HS6ST3: variants seen among roughly 807,000 people sequenced by gnomAD.
HS6ST3 encodes the protein heparan-sulfate 6-O-sulfotransferase 3.
Under a neutral mutation model 36.7 loss-of-function variants are expected in HS6ST3, and 12 were observed. That is an observed-to-expected ratio of 0.33 (90% CI 0.21 to 0.53). The LOEUF is 0.53. Among genes scored for constraint, HS6ST3 ranks in the 20% least tolerant of loss-of-function variants. HS6ST3 has a pLI of 0.95. For synonymous variants in HS6ST3, 240 were observed against 257.5 expected (o/e 0.93, Z 0.65); for missense variants, 584 against 640.9 (o/e 0.91, Z 0.96).
intron 1 of HS6ST3, among the ~76,000 whole-genome samples, chr13:96,386,373 GA>G (rs1453745081): frequency 3.3e-5 from 5 of 152,132 alleles, no homozygotes; most frequent in Admixed American, 1.3e-4. Context: ...TGTGCAGAAT[GA>G]TGCCTTTGCC....
intron 1 of HS6ST3, among the ~76,000 whole-genome samples, chr13:96,351,749 A>G (rs2055185294): frequency 6.6e-6 from 1 of 152,230 alleles, no homozygotes; most frequent in South Asian, 2.1e-4. Context: ...AAATTTACAA[A>G]GGAGAAAGAA....
chr13:96,552,277 C>G (rs1244704903), intron 1 of HS6ST3, among the ~76,000 whole-genome samples: 1 of 152,154 alleles, frequency 6.6e-6, no homozygotes, highest in Admixed American at 6.5e-5. Flanking sequence ...TTTTTCCTGA[C>G]CACCGCCTCA....
intron 1 of HS6ST3, among the ~76,000 whole-genome samples, chr13:96,292,967 G>GGAT (rs2054837497): frequency 6.6e-6 from 1 of 151,948 alleles, no homozygotes; most frequent in South Asian, 2.1e-4. Flanking sequence ...CACAACTAAT[G>GGAT]GATGATGATT....
chr13:96,349,313 T>A (rs148995784), intron 1 of HS6ST3, among the ~76,000 whole-genome samples: 1,728 of 151,646 alleles, frequency 0.011, 15 homozygotes, highest in Non-Finnish European at 0.018. Flanking sequence ...TCTGCAGTAT[T>A]TTTTTTTGTG....
chr13:96,833,129 G>C lies in HS6ST3; in HGVS notation c.1347G>C (p.Trp449Cys). The C allele has an allele frequency of 3.1e-6, 5 of 1,601,198 alleles. No individual in the cohort carries two copies. The highest frequency in any genetic ancestry group is 4.2e-6 in the Non-Finnish European group (5 of 1,179,454). ...RLQREHRDHQ[W>C]PKEDGAAEGT... ...AGCGAGAGCACAGGGACCACCAGTG[G>C]CCCAAAGAAGATGGGGCTGCAGAAG... The change falls in exon 2 of 2, where the codon TGG (tryptophan) becomes TGC (cysteine). Residue 449 changes from tryptophan (W) to cysteine (C), a missense_variant. Physicochemically the swap from Trp to Cys is radical, Grantham distance 215. Coordinates refer to ENST00000376705, the MANE Select transcript of HS6ST3 (RefSeq NM_153456.4).
At chr13:96,403,948 T>A (rs1487385308) in intron 1 of HS6ST3, among the ~76,000 whole-genome samples, 1 of 152,196 alleles carries the variant, frequency 6.6e-6, no homozygotes, top group Non-Finnish European at 1.5e-5. Context: ...AGTAATTGGG[T>A]TGTTCTCCTA....
Position 96,460,129 on chromosome 13 carries a change from C to T in HS6ST3, c.707+368560C>T, listed in dbSNP as rs561853620. Among the ~76,000 whole-genome samples the T allele has an allele frequency of 2.6e-5, 4 of 152,220 alleles. No individual in the cohort carries two copies. The South Asian group carries it at 6.2e-4, about 24-fold the overall frequency. On this transcript the variant is annotated intron_variant, in intron 1 of 1. Coordinates refer to ENST00000376705, the MANE Select transcript of HS6ST3 (RefSeq NM_153456.4). ...GATATACACAACACAATAGGCAAAA[C>T]CAACTTCCATGAAAGAGTGTTATTT...
intron 1 of HS6ST3, among the ~76,000 whole-genome samples, chr13:96,108,957 C>CTCTATCTCTA (rs1455949879): frequency 6.7e-6 from 1 of 148,388 alleles, no homozygotes; most frequent in Non-Finnish European, 1.5e-5. Flanking sequence ...CCACTCCTAT[C>CTCTATCTCTA]TCTATCTCTA....
At chr13:96,782,467 T>C (rs1391402658) in intron 1 of HS6ST3, among the ~76,000 whole-genome samples, 1 of 152,152 alleles carries the variant, frequency 6.6e-6, no homozygotes, top group Non-Finnish European at 1.5e-5. Context: ...GTGAAAATAC[T>C]AAGGGGGATT....
chr13:96,156,676 G>C (rs1287184035), intron 1 of HS6ST3, among the ~76,000 whole-genome samples: 1 of 152,122 alleles, frequency 6.6e-6, no homozygotes, highest in Non-Finnish European at 1.5e-5. Flanking sequence ...CACTAACTTT[G>C]AGACTTTGGG....
intron 1 of HS6ST3, among the ~76,000 whole-genome samples, chr13:96,133,843 GT>G (rs71113979): frequency 0.034 from 4,885 of 142,002 alleles, 99 homozygotes; most frequent in East Asian, 0.084. Context: ...GAGCTTTTAT[GT>G]TTTTTTTTTT....
chr13:96,523,368 C>A (rs1251661226), intron 1 of HS6ST3, among the ~76,000 whole-genome samples: 1 of 152,108 alleles, frequency 6.6e-6, no homozygotes, highest in Non-Finnish European at 1.5e-5. Flanking sequence ...CGAGGAGTAT[C>A]TTTGTGGTGT....
intron 1 of HS6ST3, among the ~76,000 whole-genome samples, chr13:96,570,740 A>G (rs1359369672): frequency 1.3e-5 from 2 of 152,334 alleles, no homozygotes; most frequent in Middle Eastern, 3.4e-3. Flanking sequence ...CAGAAATATG[A>G]CAAGGAATAA....
intron 1 of HS6ST3, among the ~76,000 whole-genome samples, chr13:96,777,047 C>T (rs1259349275): frequency 6.6e-6 from 1 of 152,334 alleles, no homozygotes; most frequent in East Asian, 1.9e-4. Context: ...ATATGCAAAT[C>T]AATAAATGTA....
At chr13:96,701,307 T>C (rs1875278761) in intron 1 of HS6ST3, among the ~76,000 whole-genome samples, 1 of 152,226 alleles carries the variant, frequency 6.6e-6, no homozygotes, top group African/African-American at 2.4e-5. Flanking sequence ...AAATGTTAAT[T>C]ACTGGTCTGA....
chr13:96,454,594 G>A (rs1328098750), intron 1 of HS6ST3, among the ~76,000 whole-genome samples: 1 of 151,814 alleles, frequency 6.6e-6, no homozygotes, highest in Non-Finnish European at 1.5e-5. Context: ...CACTTGGAAG[G>A]GCGTTTGCTA....
At chr13:96,801,090 G>A (rs1262460028) in intron 1 of HS6ST3, among the ~76,000 whole-genome samples, 4 of 152,004 alleles carry the variant, frequency 2.6e-5, no homozygotes, top group South Asian at 4.1e-4. Context: ...AGCATTTGAC[G>A]CAGTTGTCCA....
intron 1 of HS6ST3, among the ~76,000 whole-genome samples, chr13:96,315,689 TA>T (rs535435168): frequency 1.4e-3 from 198 of 137,558 alleles, no homozygotes; most frequent in African/African-American, 4.8e-3. Flanking sequence ...CATTTTTTTT[TA>T]AAAAAAGGAC....
At position 96,833,021 on chromosome 13, in the gene HS6ST3, T is replaced by C. The variant is rs1272839276; in HGVS notation, c.1239T>C (p.Asp413=). The change falls in exon 2 of 2, where the codon GAT becomes GAC. Residue 413 remains aspartate, a synonymous_variant. Transcript: ENST00000376705. ...LDMQLYEYAK[D]LFQQRYHHTK... ...TGCAGCTTTACGAGTATGCAAAAGA[T>C]CTCTTCCAGCAGCGCTACCACCACA... 1 of 1,613,830 alleles carries C rather than the reference T, an allele frequency of 6.2e-7. No individual in the cohort carries two copies. Among genetic ancestry groups the C allele is most frequent in the Admixed American group, 1.7e-5 (1 of 60,020 alleles).
Sources: allele counts gnomAD v4.1 joint callset (sites outside exome capture counted in the v4.1 genomes callset), GRCh38; gene constraint gnomAD v4.1.1; transcripts MANE v1.5; gene names NCBI Gene and HGNC (gene_info 2026-07-23, HGNC 2026-07-21).